The following DYM variants were observed in gnomAD, a reference collection of about 807,000 sequenced individuals.
The protein encoded by DYM is dyggve-Melchior-Clausen syndrome protein.
In DYM, 78 loss-of-function variants were observed where a neutral mutation model predicts 93.1. The observed-to-expected ratio is 0.84, with a 90% confidence interval of 0.70 to 1.01. DYM has a LOEUF of 1.01. Among genes scored for constraint, DYM ranks in the 50% least tolerant of loss-of-function variants. The probability of loss-of-function intolerance (pLI) is 0.00; values close to 1 mark genes in which losing one functional copy is unlikely to be tolerated. For missense variants in DYM, 789 were observed against 845.0 expected (o/e 0.93, Z 0.82); for synonymous variants, 321 against 319.7 (o/e 1.00, Z -0.04).
intron 13 of DYM, among the ~76,000 whole-genome samples, chr18:49,246,193 T>A (rs1039674572): frequency 2.0e-5 from 3 of 152,228 alleles, no homozygotes; most frequent in Non-Finnish European, 2.9e-5. Flanking sequence ...AAACTATCCT[T>A]GTCTCTCCTA....
chr18:49,091,635 T>G (rs2079060485), intron 17 of DYM, among the ~76,000 whole-genome samples: 1 of 152,130 alleles, frequency 6.6e-6, no homozygotes, highest in South Asian at 2.1e-4. Context: ...ATTCCATGGG[T>G]CTGGGGTAGG....
intron 14 of DYM, among the ~76,000 whole-genome samples, chr18:49,198,438 A>G (rs1207243647): frequency 1.3e-5 from 2 of 152,216 alleles, no homozygotes; most frequent in Non-Finnish European, 2.9e-5. Context: ...ATCAGAGTGA[A>G]CAGGCAACCT....
chr18:49,197,354 T>A (rs974128820), intron 14 of DYM, among the ~76,000 whole-genome samples: 1 of 151,424 alleles, frequency 6.6e-6, no homozygotes, highest in Non-Finnish European at 1.5e-5. Context: ...ATAAAAAAAA[T>A]GGCAAAAGGG....
intron 16 of DYM, among the ~76,000 whole-genome samples, chr18:49,107,314 T>C (rs1292330479): frequency 6.6e-6 from 1 of 152,206 alleles, no homozygotes; most frequent in Admixed American, 6.5e-5. Flanking sequence ...CGTCTAATTT[T>C]TTTTCACGAT....
rs748531808 is a variant in DYM, at chr18:49,327,897, T to C, written c.763+3967A>G. On this transcript the variant is annotated intron_variant, in intron 8 of 17. Coordinates refer to ENST00000675505, the MANE Select transcript of DYM (RefSeq NM_001353214.3). ...AGATGTTGGATGGCGCTCTGCTGGA[T>C]ACTGCAGGGGACACCCACACAAGTC... 3.3e-5 allele frequency among the ~76,000 whole-genome samples: 5 copies of C among 152,296 alleles called. No individual in the cohort carries two copies. In the South Asian group the frequency reaches 1.0e-3, roughly 32 times the overall value.
intron 2 of DYM, among the ~76,000 whole-genome samples, chr18:49,425,126 C>T (rs1449625853): frequency 6.6e-6 from 1 of 152,196 alleles, no homozygotes; most frequent in Non-Finnish European, 1.5e-5. Context: ...AGGCATCACA[C>T]TACCTGACTT....
chr18:49,274,531 T>C (rs1049149144), intron 10 of DYM, among the ~76,000 whole-genome samples: 4 of 152,158 alleles, frequency 2.6e-5, no homozygotes, highest in Non-Finnish European at 5.9e-5. Flanking sequence ...CTGGATCATA[T>C]GGTAACTGTT....
intron 5 of DYM, among the ~76,000 whole-genome samples, chr18:49,372,107 T>C (rs1305332162): frequency 6.6e-6 from 1 of 152,220 alleles, no homozygotes; most frequent in African/African-American, 2.4e-5. Context: ...TCAAACAACC[T>C]GTACCACTGT....
intron 15 of DYM, among the ~76,000 whole-genome samples, chr18:49,162,440 C>G (rs1296600571): frequency 4.6e-5 from 7 of 152,176 alleles, no homozygotes; most frequent in African/African-American, 1.7e-4. Flanking sequence ...TCAAGTCTCT[C>G]TTCCTCTTCT....
At chr18:49,081,474 G>A (rs1296155828) in intron 17 of DYM, among the ~76,000 whole-genome samples, 1 of 148,868 alleles carries the variant, frequency 6.7e-6, no homozygotes, top group African/African-American at 2.5e-5. Flanking sequence ...GCTTTGGCTC[G>A]GCATCAGAGG....
chr18:49,328,641 T>C (rs550223879), intron 8 of DYM, among the ~76,000 whole-genome samples: 3 of 152,262 alleles, frequency 2.0e-5, no homozygotes, highest in Non-Finnish European at 2.9e-5. Flanking sequence ...GAATAGACAC[T>C]TCTCAAAAGA....
chr18:49,145,131 AT>A lies in DYM; in HGVS notation c.1728+18553del, dbSNP rs1568490481. ...TTCATATATATATATATATATATAT[AT>A]ATAATTTATATATATAATATACAAA... is the stretch of plus-strand genomic sequence containing the variant. On this transcript the variant is annotated intron_variant, in intron 15 of 17. Coordinates refer to ENST00000675505, the MANE Select transcript of DYM (RefSeq NM_001353214.3). Among the ~76,000 whole-genome samples, 192 of 116,898 alleles carry A rather than the reference AT, an allele frequency of 1.6e-3. 9 individuals are homozygous for A. Among genetic ancestry groups the A allele is most frequent in the South Asian group, 5.8e-3 (20 of 3,426 alleles). 76.7% of individuals were successfully genotyped at this position (116,898 alleles called of 152,430 possible).
At chr18:49,448,245 GT>G (rs2082263053) in intron 1 of DYM, among the ~76,000 whole-genome samples, 1 of 152,102 alleles carries the variant, frequency 6.6e-6, no homozygotes, top group South Asian at 2.1e-4. Flanking sequence ...CAATCCCTAA[GT>G]TTTTTTAAGC....
chr18:49,286,318 A>T, intron 9 of DYM, 116 bp downstream of exon 9: 1 of 1,212,004 alleles, frequency 8.3e-7, no homozygotes, highest in Admixed American at 1.7e-5. Flanking sequence ...CTCATGTTTG[A>T]CCAATATGAA....
At chr18:49,113,852 G>C (rs1189266772) in intron 16 of DYM, among the ~76,000 whole-genome samples, 1 of 152,192 alleles carries the variant, frequency 6.6e-6, no homozygotes, top group African/African-American at 2.4e-5. Flanking sequence ...AGTGTGCCCA[G>C]CACTATTTTG....
chr18:49,426,639 T>C (rs1345765276), intron 2 of DYM, among the ~76,000 whole-genome samples: 1 of 150,972 alleles, frequency 6.6e-6, no homozygotes, highest in African/African-American at 2.4e-5. Flanking sequence ...CATATGAAAA[T>C]AAACACAACC....
chr18:49,404,740 C>T (rs1046615530), intron 2 of DYM, among the ~76,000 whole-genome samples: 6 of 152,180 alleles, frequency 3.9e-5, no homozygotes, highest in African/African-American at 1.4e-4. Context: ...CCATTCACGG[C>T]TGGGCATGGT....
intron 2 of DYM, among the ~76,000 whole-genome samples, chr18:49,424,754 C>T (rs1478419160): frequency 2.0e-5 from 3 of 152,124 alleles, no homozygotes; most frequent in Non-Finnish European, 4.4e-5. Context: ...CAATAACAGA[C>T]AAACAGAGAG....
intron 13 of DYM, among the ~76,000 whole-genome samples, chr18:49,238,858 T>G (rs998187010): frequency 1.3e-5 from 2 of 151,822 alleles, no homozygotes; most frequent in African/African-American, 2.4e-5. Context: ...ATAATCAAAT[T>G]GGAGACACTG....
Sources: allele counts gnomAD v4.1 joint callset (sites outside exome capture counted in the v4.1 genomes callset), GRCh38; gene constraint gnomAD v4.1.1; transcripts MANE v1.5; gene names NCBI Gene and HGNC (gene_info 2026-07-23, HGNC 2026-07-21).